MRPL48: variants seen among roughly 807,000 people sequenced by gnomAD.
MRPL48 encodes the protein large ribosomal subunit protein mL48.
Under a neutral mutation model 32.9 loss-of-function variants are expected in MRPL48, and 16 were observed. The observed-to-expected ratio is 0.49, with a 90% confidence interval of 0.33 to 0.74. The LOEUF (loss-of-function observed/expected upper bound fraction) is 0.74, where lower values mean the gene tolerates loss of function less well. Among genes scored for constraint, MRPL48 ranks in the 30% least tolerant of loss-of-function variants. MRPL48 has a pLI of 0.02. For synonymous variants in MRPL48, 94 were observed against 89.2 expected (o/e 1.05, Z -0.31); for missense variants, 206 against 245.3 (o/e 0.84, Z 1.07).
intron 4 of MRPL48, among the ~76,000 whole-genome samples, chr11:73,830,183 T>A (rs142711272): frequency 2.6e-5 from 4 of 152,282 alleles, no homozygotes; most frequent in Non-Finnish European, 5.9e-5. Context: ...GAGAGGACAG[T>A]AAATATTGAT....
At chr11:73,804,897 TTCTTTGTTAGATAAGAGCCTTTTTG>T (rs1334414425) in intron 1 of MRPL48, 105 bp from the exon 2 acceptor site, 3 of 707,318 alleles carry the variant, frequency 4.2e-6, no homozygotes, top group Non-Finnish European at 6.8e-6. Flanking sequence ...GTAGGGTAGC[TTCTTTGTTAGATAAGAGCCTTTTTG>T]TCCTTTTCTG....
chr11:73,804,844 T>G (rs1279542288), intron 1 of MRPL48, among the ~76,000 whole-genome samples, 183 bp from the exon 2 acceptor site: 1 of 152,196 alleles, frequency 6.6e-6, no homozygotes, highest in African/African-American at 2.4e-5. Flanking sequence ...GTGGGTGGAA[T>G]GAGAATGATG....
intron 4 of MRPL48, among the ~76,000 whole-genome samples, chr11:73,831,161 T>C (rs1272895493): frequency 6.6e-6 from 1 of 152,122 alleles, no homozygotes; most frequent in East Asian, 1.9e-4. Flanking sequence ...TTTTCTTACA[T>C]GGCCCGGTTT....
At chr11:73,835,140 C>CTTTTTT (rs35448499) in intron 4 of MRPL48, among the ~76,000 whole-genome samples, 8 of 108,488 alleles carry the variant, frequency 7.4e-5, no homozygotes, top group South Asian at 6.5e-4. Flanking sequence ...GCCATGTTGT[C>CTTTTTT]TTTTTTTTTT....
chr11:73,795,470 CT>C (rs1407162061), intron 1 of MRPL48, among the ~76,000 whole-genome samples: 4 of 151,484 alleles, frequency 2.6e-5, no homozygotes, highest in East Asian at 1.9e-4. Flanking sequence ...TCTTGTGACT[CT>C]TTTTTAATAA....
At chr11:73,794,839 G>C (rs1368877016) in intron 1 of MRPL48, among the ~76,000 whole-genome samples, 3 of 149,992 alleles carry the variant, frequency 2.0e-5, no homozygotes, top group Non-Finnish European at 4.4e-5. Flanking sequence ...CCGCCTCCCG[G>C]GTTCAAGCGA....
At chr11:73,823,941 C>T (rs1050137342) in intron 3 of MRPL48, among the ~76,000 whole-genome samples, 2 of 151,666 alleles carry the variant, frequency 1.3e-5, no homozygotes, top group South Asian at 2.1e-4. Flanking sequence ...CTGCAGCCTC[C>T]GCCTCCTGGG....
intron 1 of MRPL48, among the ~76,000 whole-genome samples, chr11:73,801,184 A>G (rs1297587298): frequency 6.6e-6 from 1 of 152,236 alleles, no homozygotes; most frequent in African/African-American, 2.4e-5. Flanking sequence ...AGAAATCTGA[A>G]CAATTAAAAT....
intron 4 of MRPL48, among the ~76,000 whole-genome samples, chr11:73,840,903 A>G (rs1443436127): frequency 6.6e-6 from 1 of 152,194 alleles, no homozygotes; most frequent in Non-Finnish European, 1.5e-5. Flanking sequence ...TCATGTTTAG[A>G]ATATATAAAG....
chr11:73,807,203 C>T (rs549828513), intron 2 of MRPL48, among the ~76,000 whole-genome samples: 4 of 152,200 alleles, frequency 2.6e-5, no homozygotes, highest in African/African-American at 9.6e-5. Context: ...TGATGAAATA[C>T]ATTTGGTGGT....
At chr11:73,856,945 T>C (rs995690860) in intron 5 of MRPL48, among the ~76,000 whole-genome samples, 2 of 152,052 alleles carry the variant, frequency 1.3e-5, no homozygotes, top group Non-Finnish European at 2.9e-5. Context: ...TTTACATACT[T>C]AAAGGCCTGT....
chr11:73,832,436 T>C (rs1948013362), intron 4 of MRPL48: 1 of 152,318 alleles, frequency 6.6e-6, no homozygotes, highest in Non-Finnish European at 1.5e-5. Flanking sequence ...CACTTTATGG[T>C]TATAGTCCTG....
chr11:73,827,732 CT>C (rs1161814686), intron 4 of MRPL48, among the ~76,000 whole-genome samples: 2 of 152,100 alleles, frequency 1.3e-5, no homozygotes, highest in African/African-American at 4.8e-5. Context: ...GAATTTGGGC[CT>C]TAGAAACCAC....
Position 73,815,899 on chromosome 11 carries a change from T to TA in MRPL48, c.112+7549_112+7550insA, listed in dbSNP as rs1297350203. Among the ~76,000 whole-genome samples the TA allele has an allele frequency of 3.3e-5, 5 of 151,446 alleles. No homozygotes were observed. In the East Asian group the frequency reaches 9.7e-4, roughly 29 times the overall value. On this transcript the variant is annotated intron_variant, in intron 3 of 7. Coordinates refer to ENST00000310614, the MANE Select transcript of MRPL48 (RefSeq NM_016055.6). Reference sequence around the variant, plus strand: ...CCACCATGCTTGACTTTTATTTTTTTTTTTTTTATAGAGACAGGGTCTCCC... The same window carrying TA: ...CCACCATGCTTGACTTTTATTTTTTTATTTTTTTATAGAGACAGGGTCTCCC...
intron 4 of MRPL48, among the ~76,000 whole-genome samples, chr11:73,829,572 A>G (rs1202210211): frequency 6.6e-6 from 1 of 152,030 alleles, no homozygotes; most frequent in African/African-American, 2.4e-5. Context: ...GTCTCACTAT[A>G]GTGCCCATGC....
At chr11:73,822,220 G>C (rs759298447) in intron 3 of MRPL48, among the ~76,000 whole-genome samples, 1 of 151,958 alleles carries the variant, frequency 6.6e-6, no homozygotes, top group Non-Finnish European at 1.5e-5. Flanking sequence ...TTCCTTACAC[G>C]GTAAACTCTT....
chr11:73,863,299 C>A (rs1239777761), intron 7 of MRPL48, 38 bp downstream of exon 7: 4 of 1,481,514 alleles, frequency 2.7e-6, no homozygotes, highest in Non-Finnish European at 3.7e-6. Context: ...TGCTGGCCTG[C>A]ATATGCTCAA....
At chr11:73,826,695 G>T (rs777983995) in intron 4 of MRPL48, among the ~76,000 whole-genome samples, 3 of 151,622 alleles carry the variant, frequency 2.0e-5, no homozygotes, top group Admixed American at 6.6e-5. Flanking sequence ...ACCAGCCCAG[G>T]TCTTGAACTC....
intron 1 of MRPL48, among the ~76,000 whole-genome samples, chr11:73,794,264 A>C (rs1019725580): frequency 6.6e-6 from 1 of 151,406 alleles, no homozygotes; most frequent in Non-Finnish European, 1.5e-5. Flanking sequence ...AATAAAATTA[A>C]ATAAATCAAG....
Sources: allele counts gnomAD v4.1 joint callset (sites outside exome capture counted in the v4.1 genomes callset), GRCh38; gene constraint gnomAD v4.1.1; transcripts MANE v1.5; gene names NCBI Gene and HGNC (gene_info 2026-07-23, HGNC 2026-07-21).